The following CDH18 variants were observed in gnomAD, a reference collection of about 807,000 sequenced individuals.
CDH18 encodes cadherin 18, also known as cadherin-18.
CDH18 carries 31 observed loss-of-function variants against 67.9 expected under a neutral mutation model. That is an observed-to-expected ratio of 0.46 (90% CI 0.34 to 0.62). CDH18 has a LOEUF of 0.62. Ranked by LOEUF, CDH18 falls within the 20% of genes least tolerant of loss-of-function variation. CDH18 has a pLI of 0.01. For synonymous variants in CDH18, 362 were observed against 347.2 expected, an observed-to-expected ratio of 1.04 and a Z score of -0.48; for missense variants, 890 against 975.5, an observed-to-expected ratio of 0.91 and a Z score of 1.17.
chr5:20,105,820 A>T (rs931840211), intron 2 of CDH18, among the ~76,000 whole-genome samples: 2 of 152,200 alleles, frequency 1.3e-5, no homozygotes, highest in Non-Finnish European at 2.9e-5. Context: ...TTATCTGTTG[A>T]TGAACAGTTG....
chr5:20,024,462 A>T (rs1330420284), intron 2 of CDH18, among the ~76,000 whole-genome samples: 1 of 152,188 alleles, frequency 6.6e-6, no homozygotes, highest in Admixed American at 6.5e-5. Flanking sequence ...AAAACTTTCA[A>T]AGAGGGAGTG....
At chr5:20,425,447 A>C (rs1748227026) in intron 1 of CDH18, among the ~76,000 whole-genome samples, 1 of 151,082 alleles carries the variant, frequency 6.6e-6, no homozygotes, top group African/African-American at 2.5e-5. Context: ...GATAAAATGT[A>C]TACTACAGGT....
intron 5 of CDH18, among the ~76,000 whole-genome samples, chr5:19,628,999 C>T (rs980281850): frequency 2.0e-5 from 3 of 151,388 alleles, no homozygotes; most frequent in Non-Finnish European, 2.9e-5. Context: ...TGTTCCCTTG[C>T]GATAAATGCT....
intron 5 of CDH18, among the ~76,000 whole-genome samples, chr5:19,655,986 C>CTTTTTTTTT (rs963093504): frequency 9.6e-6 from 1 of 103,656 alleles, no homozygotes; most frequent in Non-Finnish European, 1.9e-5. Flanking sequence ...CTACTCACTT[C>CTTTTTTTTT]TTTTTTTTTT....
At chr5:19,691,974 A>C (rs2150426805) in intron 5 of CDH18, among the ~76,000 whole-genome samples, 1 of 152,156 alleles carries the variant, frequency 6.6e-6, no homozygotes, top group Non-Finnish European at 1.5e-5. Context: ...ACCTGACTTC[A>C]GAATATATTA....
chr5:20,238,625 T>C (rs538993424), intron 2 of CDH18, among the ~76,000 whole-genome samples: 79 of 152,284 alleles, frequency 5.2e-4, no homozygotes, highest in South Asian at 4.1e-3. Context: ...AATGGTATAT[T>C]CACTTCAAAA....
At chr5:19,554,424 C>T (rs1325690150) in intron 8 of CDH18, among the ~76,000 whole-genome samples, 1 of 152,132 alleles carries the variant, frequency 6.6e-6, no homozygotes, top group East Asian at 1.9e-4. Context: ...GTGGCACATG[C>T]CTGTAGTCCC....
At chr5:19,810,441 A>T (rs1281768101) in intron 3 of CDH18, among the ~76,000 whole-genome samples, 1 of 152,156 alleles carries the variant, frequency 6.6e-6, no homozygotes, top group Non-Finnish European at 1.5e-5. Context: ...AGAGCATAGG[A>T]TAATGATTTA....
At chr5:20,226,265 T>G (rs2126476208) in intron 2 of CDH18, among the ~76,000 whole-genome samples, 1 of 152,210 alleles carries the variant, frequency 6.6e-6, no homozygotes, top group South Asian at 2.1e-4. Context: ...ATGAACTATT[T>G]TAAGTGAAAG....
rs569182791 is a variant in CDH18, at chr5:20,474,668, C to A, written c.-580+100794G>T. 2.5e-3 allele frequency among the ~76,000 whole-genome samples: 382 copies of A among 152,224 alleles called. 3 individuals carry two copies. Among genetic ancestry groups the A allele is most frequent in the African/African-American group, 8.6e-3 (358 of 41,550 alleles). ...AGAAATAGTGATTGACCTTAATTCA[C>A]AAGATGAGAAAGGAAGTCCTAGAAG... is the stretch of plus-strand genomic sequence containing the variant. On this transcript the variant is annotated intron_variant, in intron 1 of 14. Transcript: ENST00000507958.
chr5:20,309,517 T>C (rs777495305), intron 1 of CDH18, among the ~76,000 whole-genome samples: 3 of 152,138 alleles, frequency 2.0e-5, no homozygotes, highest in Non-Finnish European at 2.9e-5. Context: ...GACATGATAA[T>C]TTAATTGTAA....
chr5:19,987,091 T>C (rs896260877), intron 1 of CDH18, among the ~76,000 whole-genome samples: 2 of 152,194 alleles, frequency 1.3e-5, no homozygotes, highest in African/African-American at 4.8e-5. Flanking sequence ...TATTTTTTCT[T>C]GACTTCCAAC....
At chr5:19,983,090 A>T (rs969666336) in intron 1 of CDH18, among the ~76,000 whole-genome samples, 2 of 151,736 alleles carry the variant, frequency 1.3e-5, no homozygotes, top group Admixed American at 6.6e-5. Context: ...TCTGTAACTC[A>T]TATCAAAAAT....
chr5:20,463,234 C>CTTTTTTTTT (rs1561028275), intron 1 of CDH18, among the ~76,000 whole-genome samples: 1 of 150,614 alleles, frequency 6.6e-6, no homozygotes, highest in African/African-American at 2.4e-5. Context: ...GGTTTGTGTG[C>CTTTTTTTTT]TTTTGTGATG....
At chr5:20,058,419 T>TA (rs1213619893) in intron 2 of CDH18, among the ~76,000 whole-genome samples, 1 of 152,112 alleles carries the variant, frequency 6.6e-6, no homozygotes, top group Admixed American at 6.6e-5. Flanking sequence ...AAAAAGTCCT[T>TA]ACTTTTTGGA....
intron 6 of CDH18, among the ~76,000 whole-genome samples, chr5:19,603,680 T>C (rs1747548468): frequency 6.6e-6 from 1 of 151,364 alleles, no homozygotes; most frequent in Non-Finnish European, 1.5e-5. Context: ...TACCAAAATA[T>C]ATAATTATCT....
chr5:19,732,471 T>A (rs1767743437), intron 4 of CDH18, among the ~76,000 whole-genome samples: 1 of 151,946 alleles, frequency 6.6e-6, no homozygotes, highest in Admixed American at 6.6e-5. Flanking sequence ...GCCACTGCAC[T>A]CCAGTCTACG....
intron 2 of CDH18, among the ~76,000 whole-genome samples, chr5:20,104,597 A>G (rs1746766126): frequency 6.6e-6 from 1 of 152,104 alleles, no homozygotes; most frequent in South Asian, 2.1e-4. Flanking sequence ...CTATGTCCCT[A>G]GTACTCCTTA....
intron 5 of CDH18, among the ~76,000 whole-genome samples, chr5:19,683,016 A>T (rs1760552509): frequency 6.6e-6 from 1 of 151,962 alleles, no homozygotes; most frequent in Non-Finnish European, 1.5e-5. Context: ...TTTTTTATAG[A>T]TTTGAACAAT....
Sources: allele counts gnomAD v4.1 joint callset (sites outside exome capture counted in the v4.1 genomes callset), GRCh38; gene constraint gnomAD v4.1.1; transcripts MANE v1.5; gene names NCBI Gene and HGNC (gene_info 2026-07-23, HGNC 2026-07-21).